PLXDC1: variants seen among roughly 807,000 people sequenced by gnomAD.
The protein encoded by PLXDC1 is plexin domain containing 1.
Under a neutral mutation model 61.3 loss-of-function variants are expected in PLXDC1, and 39 were observed. That is an observed-to-expected ratio of 0.64 (90% confidence interval 0.49 to 0.83). The LOEUF is 0.83. PLXDC1 is among the 40% of genes least tolerant of loss of function. PLXDC1 has a pLI of 0.00. For missense variants in PLXDC1, 596 were observed against 666.5 expected (o/e 0.89, Z 1.17); for synonymous variants, 212 against 254.5 (o/e 0.83, Z 1.59).
chr17:39,082,706 C>A (rs1312275724), intron 9 of PLXDC1, among the ~76,000 whole-genome samples: 1 of 152,200 alleles, frequency 6.6e-6, no homozygotes, highest in Non-Finnish European at 1.5e-5. Flanking sequence ...CTCATGAGAA[C>A]TCTAGTCCCC....
chr17:39,118,192 G>C lies in PLXDC1; in HGVS notation c.256-8801C>G, dbSNP rs56277148. ...TCTTTCTTTCTCTCTCTGTCTGTCT[G>C]TCTCTCTCTCTTTTCTTTTCTTCTT... On this transcript the variant is annotated intron_variant, in intron 2 of 13. Coordinates refer to ENST00000315392, the MANE Select transcript of PLXDC1 (RefSeq NM_020405.5). Among the ~76,000 whole-genome samples, 639 of 148,470 alleles carry C rather than the reference G, an allele frequency of 4.3e-3. 8 individuals carry two copies. Among genetic ancestry groups the C allele is most frequent in the East Asian group, 0.041 (208 of 5,052 alleles).
intron 2 of PLXDC1, among the ~76,000 whole-genome samples, chr17:39,116,672 C>T (rs1212293392): frequency 1.3e-5 from 2 of 152,180 alleles, no homozygotes; most frequent in South Asian, 2.1e-4. Context: ...CAGATACCTT[C>T]GGGGGCAAGG....
intron 9 of PLXDC1, among the ~76,000 whole-genome samples, chr17:39,082,565 A>C (rs549068061): frequency 6.7e-6 from 1 of 150,310 alleles, no homozygotes; most frequent in African/African-American, 2.4e-5. Context: ...AACTCTCTCA[A>C]AAAAAAAAAA....
intron 2 of PLXDC1, 47 bp from the exon 3 acceptor site, chr17:39,109,438 A>G (rs948729832): frequency 7.8e-6 from 12 of 1,543,622 alleles, no homozygotes; most frequent in African/African-American, 5.5e-5. Context: ...AGTAGTCAGC[A>G]TGCCAGGACT....
At chr17:39,128,485 G>T (rs1161035583) in intron 2 of PLXDC1, among the ~76,000 whole-genome samples, 1 of 151,440 alleles carries the variant, frequency 6.6e-6, no homozygotes, top group Non-Finnish European at 1.5e-5. Flanking sequence ...CTCCCAAAGT[G>T]CTGGGATTAC....
intron 10 of PLXDC1, among the ~76,000 whole-genome samples, chr17:39,078,698 C>T (rs915691003): frequency 3.3e-5 from 5 of 152,142 alleles, no homozygotes; most frequent in Admixed American, 1.3e-4. Context: ...TGGAACCACC[C>T]TTCTCACTCC....
intron 7 of PLXDC1, among the ~76,000 whole-genome samples, chr17:39,089,862 A>G (rs140397446): frequency 2.2e-4 from 33 of 152,232 alleles, no homozygotes; most frequent in Non-Finnish European, 3.8e-4. Flanking sequence ...CAGTGGGATG[A>G]TCTCGGCTCA....
At position 39,139,735 on chromosome 17, in the gene PLXDC1, C is replaced by A. The variant is rs758234834; in HGVS notation, c.174G>T (p.Pro58=). ...ARESPGHVSE[P]DRTQLSQDLG... ...GGTCCTGGCTCAGCTGGGTCCTGTC[C>A]GGCTCTGACACATGCCCAGGGCTCT... is the stretch of plus-strand genomic sequence containing the variant. Residue 58 remains proline, a synonymous_variant, in exon 2 of 14, where the codon CCG becomes CCT. Coordinates refer to ENST00000315392, the MANE Select transcript of PLXDC1 (RefSeq NM_020405.5). 5.0e-6 allele frequency: 8 copies of A among 1,614,042 alleles called. No homozygotes were observed. The highest frequency in any genetic ancestry group is 1.7e-6 in the Non-Finnish European group (2 of 1,180,014).
chr17:39,106,805 A>G (rs2143663145), intron 6 of PLXDC1, among the ~76,000 whole-genome samples: 1 of 151,934 alleles, frequency 6.6e-6, no homozygotes, highest in African/African-American at 2.4e-5. Flanking sequence ...GCCTGCCACC[A>G]CGTCCGGCTA....
intron 7 of PLXDC1, among the ~76,000 whole-genome samples, chr17:39,091,505 C>T (rs1472736956): frequency 1.3e-5 from 2 of 152,152 alleles, no homozygotes; most frequent in African/African-American, 4.8e-5. Flanking sequence ...CCATCCCAGG[C>T]AGATCAGGGA....
intron 8 of PLXDC1, among the ~76,000 whole-genome samples, chr17:39,086,981 A>C (rs1292121939): frequency 6.6e-6 from 1 of 152,158 alleles, no homozygotes; most frequent in Non-Finnish European, 1.5e-5. Flanking sequence ...GAAGACCTTC[A>C]TAAAACAACA....
At chr17:39,131,934 C>T (rs947101869) in intron 2 of PLXDC1, 1 of 152,684 alleles carries the variant, frequency 6.5e-6, no homozygotes, top group East Asian at 1.9e-4. Context: ...CTTGCACTCT[C>T]CCTGCCAACT....
intron 1 of PLXDC1, among the ~76,000 whole-genome samples, chr17:39,150,342 T>C (rs1339188319): frequency 6.6e-6 from 1 of 152,124 alleles, no homozygotes; most frequent in Non-Finnish European, 1.5e-5. Flanking sequence ...CCACTGACAC[T>C]GTGCCTGGTG....
chr17:39,074,795 A>T (rs1454913668), intron 11 of PLXDC1, among the ~76,000 whole-genome samples: 1 of 152,088 alleles, frequency 6.6e-6, no homozygotes, highest in African/African-American at 2.4e-5. Flanking sequence ...GGCTCAGAAC[A>T]TGCCCTCAGT....
rs144981215 is a variant in PLXDC1, at chr17:39,103,131, C to T, written c.811+2723G>A. On this transcript the variant is annotated intron_variant, in intron 7 of 13. Coordinates refer to ENST00000315392, the MANE Select transcript of PLXDC1 (RefSeq NM_020405.5). ...TCAGGAGGCTGAGGCAGGAGAATGGCGTGAACCCGGGAGGTGGAGCTTGCA... is the reference window on the plus strand; with the variant it reads ...TCAGGAGGCTGAGGCAGGAGAATGGTGTGAACCCGGGAGGTGGAGCTTGCA... Among the ~76,000 whole-genome samples the T allele has an allele frequency of 9.8e-3, 1,492 of 151,508 alleles. 35 individuals are homozygous for T. The highest frequency in any genetic ancestry group is 0.035 in the African/African-American group (1,424 of 41,250).
At chr17:39,147,451 AACAC>A (rs2045349557) in intron 1 of PLXDC1, among the ~76,000 whole-genome samples, 1 of 152,120 alleles carries the variant, frequency 6.6e-6, no homozygotes, top group Non-Finnish European at 1.5e-5. Flanking sequence ...CACCTTGGGC[AACAC>A]ACCAGTTAGG....
intron 2 of PLXDC1, 76 bp from the exon 3 acceptor site, chr17:39,109,467 A>G: frequency 6.6e-7 from 1 of 1,508,392 alleles, no homozygotes; most frequent in Non-Finnish European, 8.9e-7. Flanking sequence ...GCCCTTCCCC[A>G]CTCAGATTTC....
chr17:39,102,480 C>T (rs115180843), intron 7 of PLXDC1, among the ~76,000 whole-genome samples: 1,795 of 151,998 alleles, frequency 0.012, 51 homozygotes, highest in African/African-American at 0.042. Flanking sequence ...AATACTCACA[C>T]GGGGGCATGA....
At chr17:39,093,609 G>A (rs899513269) in intron 7 of PLXDC1, among the ~76,000 whole-genome samples, 1 of 152,072 alleles carries the variant, frequency 6.6e-6, no homozygotes. Flanking sequence ...CCAGCTACCC[G>A]GGTGGCTGAG....
Sources: gnomAD v4.1 joint callset for allele counts (sites outside exome capture counted in the v4.1 genomes callset) on GRCh38, gnomAD v4.1.1 for gene constraint, MANE v1.5 for transcripts, NCBI Gene and HGNC (gene_info 2026-07-23, HGNC 2026-07-21) for gene names.